Variants in CORIN observed in about 807,000 individuals in gnomAD.
The protein encoded by CORIN is atrial natriuretic peptide-converting enzyme.
In CORIN, 117 loss-of-function variants were observed where a neutral mutation model predicts 125.3. The observed-to-expected ratio is 0.93, with a 90% confidence interval of 0.80 to 1.09. CORIN has a LOEUF of 1.09. Among genes scored for constraint, CORIN ranks in the 50% least tolerant of loss-of-function variants. CORIN has a pLI of 0.00. For missense variants in CORIN, 1,253 were observed against 1,306.7 expected (o/e 0.96, Z 0.63); for synonymous variants, 450 against 466.4 (o/e 0.96, Z 0.45).
At chr4:47,680,455 A>G in intron 7 of CORIN, 1 of 489,946 alleles carries the variant, frequency 2.0e-6, no homozygotes, top group East Asian at 3.7e-5. Flanking sequence ...GTGGGGTAAG[A>G]TGGGTCTGTT....
intron 2 of CORIN, among the ~76,000 whole-genome samples, chr4:47,801,855 T>A (rs538887739): frequency 1.6e-4 from 25 of 152,352 alleles, no homozygotes; most frequent in Admixed American, 2.0e-4. Flanking sequence ...AGGCAAGCCC[T>A]AGTGCTGAGC....
intron 5 of CORIN, chr4:47,706,700 T>C: frequency 1.2e-6 from 2 of 1,607,504 alleles, no homozygotes; most frequent in Middle Eastern, 2.0e-4. Context: ...TGGACGCCAC[T>C]GTGGGGCTCT....
chr4:47,618,060 C>T (rs1012790949), intron 19 of CORIN, among the ~76,000 whole-genome samples: 2 of 152,134 alleles, frequency 1.3e-5, no homozygotes, highest in Admixed American at 6.5e-5. Flanking sequence ...GTGGGCTGAG[C>T]GCAGTGGCTC....
intron 5 of CORIN, among the ~76,000 whole-genome samples, chr4:47,731,891 T>C (rs185310702): frequency 5.9e-5 from 9 of 151,338 alleles, no homozygotes; most frequent in Non-Finnish European, 1.5e-5. Flanking sequence ...GAAAAAAAAT[T>C]AGCAAATGTT....
At chr4:47,604,429 T>A (rs770476037) in intron 19 of CORIN, among the ~76,000 whole-genome samples, 4 of 152,172 alleles carry the variant, frequency 2.6e-5, no homozygotes, top group Non-Finnish European at 4.4e-5. Flanking sequence ...CAAATGTATA[T>A]CTCCAGCTCT....
chr4:47,723,751 C>T (rs1727456743), intron 5 of CORIN, among the ~76,000 whole-genome samples: 1 of 151,828 alleles, frequency 6.6e-6, no homozygotes, highest in Non-Finnish European at 1.5e-5. Context: ...GTAATCCCAG[C>T]ACTTTGGGAG....
At chr4:47,710,158 T>G (rs1339269804) in intron 5 of CORIN, among the ~76,000 whole-genome samples, 5 of 152,216 alleles carry the variant, frequency 3.3e-5, no homozygotes, top group Non-Finnish European at 7.3e-5. Context: ...TGTATATAAT[T>G]TTAAGTGCCT....
At chr4:47,678,548 C>T (rs1374797369) in intron 8 of CORIN, among the ~76,000 whole-genome samples, 4 of 152,198 alleles carry the variant, frequency 2.6e-5, no homozygotes, top group Admixed American at 2.6e-4. Flanking sequence ...TATTTATCTA[C>T]TTGACCTCAT....
At chr4:47,805,584 G>T (rs1037035052) in intron 2 of CORIN, among the ~76,000 whole-genome samples, 1 of 152,064 alleles carries the variant, frequency 6.6e-6, no homozygotes, top group Admixed American at 6.6e-5. Context: ...CAGTTCTACC[G>T]CCTTTTGCAA....
intron 5 of CORIN, among the ~76,000 whole-genome samples, chr4:47,709,184 CAT>C (rs35883353): frequency 0.092 from 14,008 of 152,108 alleles, 781 homozygotes; most frequent in East Asian, 0.27. Flanking sequence ...CTGCAGCAGA[CAT>C]AGAAAAGACA....
At chr4:47,796,733 A>G (rs951079988) in intron 2 of CORIN, among the ~76,000 whole-genome samples, 9 of 152,072 alleles carry the variant, frequency 5.9e-5, no homozygotes, top group Non-Finnish European at 1.3e-4. Flanking sequence ...TTGTATGCCA[A>G]TCATACCTCA....
intron 12 of CORIN, 134 bp downstream of exon 12, chr4:47,661,577 A>T: frequency 1.4e-6 from 1 of 735,294 alleles, no homozygotes; most frequent in Non-Finnish European, 2.1e-6. Context: ...TCACAAATTC[A>T]CTCACCTAAG....
Position 47,661,718 on chromosome 4 carries a change from A to C in CORIN, c.1728T>G (p.Tyr576Ter). The change falls in exon 12 of 22, where the codon TAT becomes TAG. Residue 576 changes from tyrosine to a stop codon, truncating the protein, a stop_gained. Coordinates refer to ENST00000273857, the MANE Select transcript of CORIN (RefSeq NM_006587.4). LOFTEE classifies it high-confidence loss of function. ...ATTAATTTTAAAATTAACCTTCCAC[A>C]TATTCATCAGGCATCAGGCAGGTTT... is the stretch of plus-strand genomic sequence containing the variant. The part of the protein sequence containing the change: ...DNQTCLMPDE[Y>*]VEECSPSHFK... The C allele has an allele frequency of 6.2e-7, 1 of 1,610,160 alleles. No individual in the cohort carries two copies. The highest frequency in any genetic ancestry group is 8.5e-7 in the Non-Finnish European group (1 of 1,177,312).
intron 4 of CORIN, among the ~76,000 whole-genome samples, chr4:47,751,550 T>C (rs1241744805): frequency 6.6e-6 from 1 of 152,210 alleles, no homozygotes; most frequent in Non-Finnish European, 1.5e-5. Flanking sequence ...AATTGCCTTT[T>C]TACCCCACCT....
chr4:47,761,733 T>C (rs766076928), intron 4 of CORIN, among the ~76,000 whole-genome samples: 17 of 152,088 alleles, frequency 1.1e-4, no homozygotes, highest in African/African-American at 2.2e-4. Flanking sequence ...AGGGTGAAGA[T>C]TGGGGAAATG....
chr4:47,625,423 CATTA>C (rs754423632), intron 17 of CORIN, among the ~76,000 whole-genome samples: 97 of 151,882 alleles, frequency 6.4e-4, no homozygotes, highest in Non-Finnish European at 1.2e-3. Flanking sequence ...ATCTAGAATG[CATTA>C]TTTATTTATT....
intron 4 of CORIN, among the ~76,000 whole-genome samples, chr4:47,754,009 A>AT (rs1729025912): frequency 6.6e-6 from 1 of 152,204 alleles, no homozygotes; most frequent in South Asian, 2.1e-4. Flanking sequence ...TCCTCAACAC[A>AT]TAATACCGAT....
rs1292125174 is a variant in CORIN, at chr4:47,603,453, C to T, written c.2756G>A (p.Trp919Ter). ...RPVCLPNPEQ[W>*]LEPDTYCYIT... The stretch of plus-strand genomic sequence containing the variant: ...ATAGCAGTACGTGTCAGGCTCTAGC[C>T]ACTGCTCCGGGTTGGGCAAGCAGAC... Residue 919 changes from tryptophan (W) to a stop codon, truncating the protein, a stop_gained, in exon 20 of 22, where the codon TGG (tryptophan) becomes TAG (stop). Transcript: ENST00000273857. LOFTEE classifies it high-confidence loss of function. 1 of 1,614,182 alleles carries T rather than the reference C, an allele frequency of 6.2e-7. No homozygotes were observed. The highest frequency in any genetic ancestry group is 8.5e-7 in the Non-Finnish European group (1 of 1,180,032).
chr4:47,759,295 C>G (rs1280232232), intron 4 of CORIN, among the ~76,000 whole-genome samples: 1 of 152,122 alleles, frequency 6.6e-6, no homozygotes, highest in Non-Finnish European at 1.5e-5. Flanking sequence ...TAGGGGGAAC[C>G]TATAGCCTGG....
Sources: allele counts gnomAD v4.1 joint callset (sites outside exome capture counted in the v4.1 genomes callset), GRCh38; gene constraint gnomAD v4.1.1; transcripts MANE v1.5; gene names NCBI Gene and HGNC (gene_info 2026-07-23, HGNC 2026-07-21).